Variants in PLCB1 observed in about 807,000 individuals in gnomAD.
PLCB1 encodes the protein 1-phosphatidylinositol 4,5-bisphosphate phosphodiesterase beta-1.
PLCB1 carries 46 observed loss-of-function variants against 161.8 expected under a neutral mutation model. The ratio of observed to expected loss-of-function variants is 0.28; its 90% CI spans 0.22 to 0.36. The LOEUF is 0.36. Ranked by LOEUF, PLCB1 falls within the 10% of genes least tolerant of loss-of-function variation. PLCB1 has a pLI of 1.00. For synonymous variants in PLCB1, 517 were observed against 503.7 expected, an observed-to-expected ratio of 1.03 and a Z score of -0.35; for missense variants, 1,016 against 1,472.5, an observed-to-expected ratio of 0.69 and a Z score of 5.07.
At chr20:8,445,578 G>A (rs1424407345) in intron 3 of PLCB1, among the ~76,000 whole-genome samples, 1 of 152,040 alleles carries the variant, frequency 6.6e-6, no homozygotes, top group African/African-American at 2.4e-5. Context: ...TTCCAATTCT[G>A]TGAAGAAAGT....
intron 3 of PLCB1, among the ~76,000 whole-genome samples, chr20:8,390,295 C>T (rs1001291095): frequency 6.6e-6 from 1 of 152,122 alleles, no homozygotes; most frequent in Non-Finnish European, 1.5e-5. Flanking sequence ...TTCACGTGGT[C>T]CTCCCTCTGT....
intron 7 of PLCB1, among the ~76,000 whole-genome samples, chr20:8,654,115 G>A (rs979445231): frequency 2.6e-5 from 4 of 151,736 alleles, no homozygotes; most frequent in Non-Finnish European, 5.9e-5. Flanking sequence ...CAGGTCTATG[G>A]AATCTAGAAA....
intron 2 of PLCB1, among the ~76,000 whole-genome samples, chr20:8,158,118 A>T (rs1314698718): frequency 6.6e-6 from 1 of 152,250 alleles, no homozygotes; most frequent in African/African-American, 2.4e-5. Flanking sequence ...GGTTCGAGCC[A>T]TTGGATTGGC....
At chr20:8,744,571 A>G (rs982284311) in intron 23 of PLCB1, among the ~76,000 whole-genome samples, 1 of 147,750 alleles carries the variant, frequency 6.8e-6, no homozygotes, top group South Asian at 2.1e-4. Context: ...ATGCACTACT[A>G]TACCCTAGCC....
intron 2 of PLCB1, among the ~76,000 whole-genome samples, chr20:8,164,740 C>A (rs2051659084): frequency 6.6e-6 from 1 of 152,188 alleles, no homozygotes; most frequent in African/African-American, 2.4e-5. Flanking sequence ...ATTGGAGTAG[C>A]TCAGATGCCA....
chr20:8,429,271 A>T (rs1291737785), intron 3 of PLCB1, among the ~76,000 whole-genome samples: 1 of 152,308 alleles, frequency 6.6e-6, no homozygotes, highest in Middle Eastern at 3.4e-3. Context: ...AGATTTTTTT[A>T]AACTTCTCTA....
chr20:8,144,297 C>T (rs193111835), intron 1 of PLCB1, among the ~76,000 whole-genome samples: 5 of 152,280 alleles, frequency 3.3e-5, no homozygotes, highest in Admixed American at 2.0e-4. Flanking sequence ...AGGAGCACCT[C>T]GGTTGATTTG....
intron 3 of PLCB1, among the ~76,000 whole-genome samples, chr20:8,450,485 G>C (rs1371860746): frequency 6.6e-6 from 1 of 151,952 alleles, no homozygotes; most frequent in Non-Finnish European, 1.5e-5. Flanking sequence ...GGCAGTGCTG[G>C]AATGTGGATT....
chr20:8,821,501 GTATATATATATATATATA>G (rs552044656), intron 31 of PLCB1, among the ~76,000 whole-genome samples: 768 of 42,392 alleles, frequency 0.018, 199 homozygotes, highest in Middle Eastern at 0.038. Context: ...AAAAAAATAT[GTATATATATATATATATA>G]TATATATATA....
intron 18 of PLCB1, among the ~76,000 whole-genome samples, chr20:8,731,251 A>G (rs1318437251): frequency 6.6e-6 from 1 of 151,984 alleles, no homozygotes; most frequent in Non-Finnish European, 1.5e-5. Context: ...ACGTATGATA[A>G]TTTAATACAT....
chr20:8,564,703 G>T (rs542957478), intron 3 of PLCB1, among the ~76,000 whole-genome samples: 1 of 152,034 alleles, frequency 6.6e-6, no homozygotes, highest in Non-Finnish European at 1.5e-5. Context: ...CTCAAAAGAA[G>T]ACATTTATGC....
chr20:8,140,290 T>C (rs1202318268), intron 1 of PLCB1, among the ~76,000 whole-genome samples: 1 of 152,246 alleles, frequency 6.6e-6, no homozygotes, highest in Non-Finnish European at 1.5e-5. Context: ...GTGCTTACTT[T>C]ATATTAAGTC....
intron 2 of PLCB1, among the ~76,000 whole-genome samples, chr20:8,320,837 G>T (rs1482633421): frequency 6.8e-6 from 1 of 147,124 alleles, no homozygotes; most frequent in East Asian, 2.0e-4. Flanking sequence ...GAGAGAGGGA[G>T]GGAGGGAGGG....
chr20:8,876,580 C>T (rs896810366), intron 31 of PLCB1, among the ~76,000 whole-genome samples: 1 of 152,140 alleles, frequency 6.6e-6, no homozygotes, highest in African/African-American at 2.4e-5. Flanking sequence ...TGCCTAACAA[C>T]CAACCATAAA....
At chr20:8,183,945 C>G (rs2051873939) in intron 2 of PLCB1, among the ~76,000 whole-genome samples, 1 of 152,120 alleles carries the variant, frequency 6.6e-6, no homozygotes, top group African/African-American at 2.4e-5. Context: ...CTTGGTTTGA[C>G]TGTAAACTGC....
At chr20:8,445,635 A>G (rs1980789191) in intron 3 of PLCB1, among the ~76,000 whole-genome samples, 1 of 152,168 alleles carries the variant, frequency 6.6e-6, no homozygotes, top group Admixed American at 6.5e-5. Context: ...AATTACCTTG[A>G]GCAGTATGGC....
intron 31 of PLCB1, among the ~76,000 whole-genome samples, chr20:8,815,181 A>G (rs1403024500): frequency 6.6e-6 from 1 of 152,084 alleles, no homozygotes; most frequent in Non-Finnish European, 1.5e-5. Flanking sequence ...TTCAGCTGTT[A>G]TGAATTTATA....
intron 31 of PLCB1, among the ~76,000 whole-genome samples, chr20:8,837,381 G>T (rs1986330198): frequency 6.6e-6 from 1 of 152,144 alleles, no homozygotes; most frequent in African/African-American, 2.4e-5. Flanking sequence ...AAAACTGTGA[G>T]GGAATGCATA....
At chr20:8,675,802 C>T (rs930185678) in intron 9 of PLCB1, among the ~76,000 whole-genome samples, 1 of 152,198 alleles carries the variant, frequency 6.6e-6, no homozygotes, top group African/African-American at 2.4e-5. Context: ...TATATGTTTA[C>T]AGCAGTTGAC....
Sources: allele counts gnomAD v4.1 joint callset (sites outside exome capture counted in the v4.1 genomes callset), GRCh38; gene constraint gnomAD v4.1.1; transcripts MANE v1.5; gene names NCBI Gene and HGNC (gene_info 2026-07-23, HGNC 2026-07-21).